The following CCR7 variants were observed in gnomAD, a reference collection of about 807,000 sequenced individuals.
CCR7 encodes C-C motif chemokine receptor 7, also known as C-C chemokine receptor type 7.
CCR7 carries 11 observed loss-of-function variants against 26.0 expected under a neutral mutation model. The observed-to-expected ratio is 0.42, with a 90% CI of 0.27 to 0.70. The LOEUF is 0.70. Among genes scored for constraint, CCR7 ranks in the 30% least tolerant of loss-of-function variants. The probability of loss-of-function intolerance (pLI) is 0.23; values close to 1 mark genes in which losing one functional copy is unlikely to be tolerated. For synonymous variants in CCR7, 189 were observed against 202.1 expected, an observed-to-expected ratio of 0.94 and a Z score of 0.55; for missense variants, 360 against 504.0, an observed-to-expected ratio of 0.71 and a Z score of 2.74.
At chr17:40,559,998 G>A (rs1341005379) in intron 1 of CCR7, among the ~76,000 whole-genome samples, 3 of 152,056 alleles carry the variant, frequency 2.0e-5, no homozygotes, top group South Asian at 2.1e-4. Context: ...CAGGTGAAAG[G>A]GGGAACAGGG....
intron 1 of CCR7, among the ~76,000 whole-genome samples, chr17:40,563,692 C>T (rs980660610): frequency 2.0e-5 from 3 of 152,058 alleles, no homozygotes; most frequent in African/African-American, 7.3e-5. Context: ...CGGGTTTGAC[C>T]GTTGGGGCTC....
chr17:40,555,873 C>G lies in CCR7; in HGVS notation c.61-55G>C, dbSNP rs2036582174. The G allele has an allele frequency of 1.6e-6, 2 of 1,251,148 alleles. No individual in the cohort carries two copies. The highest frequency in any genetic ancestry group is 3.7e-5 in the Admixed American group (2 of 53,428). 77.5% of individuals were successfully genotyped at this position (1,251,148 alleles called of 1,614,324 possible). A position where few individuals can be genotyped will look rare whatever the true frequency, so the allele number is the denominator to read the frequency against. ...CCAGTTTAGCTGGGTGGCTCCAACTCTGGCTGGGATTTAGCCTAGAGCAGT... is the reference window on the plus strand; with the variant it reads ...CCAGTTTAGCTGGGTGGCTCCAACTGTGGCTGGGATTTAGCCTAGAGCAGT... On this transcript the variant is annotated intron_variant, in intron 2 of 2. Transcript: ENST00000246657. The surrounding 1 kb of genome is among the most constrained non-coding windows in gnomAD (Gnocchi z 5.6).
chr17:40,565,348 G>A, intron 1 of CCR7, 52 bp downstream of exon 1: 10 of 1,514,574 alleles, frequency 6.6e-6, no homozygotes, highest in Non-Finnish European at 9.2e-6. Flanking sequence ...GGGTCAGTCT[G>A]GGTGTCCAAG....
rs2036630401 is a variant in CCR7, at chr17:40,559,482, G to C, written c.11-540C>G. 5.3e-5 allele frequency among the ~76,000 whole-genome samples: 8 copies of C among 152,362 alleles called. 1 individual carries two copies. In the South Asian group the frequency reaches 1.7e-3, roughly 32 times the overall value. On this transcript the variant is annotated intron_variant, in intron 1 of 2. Transcript: ENST00000246657. ...GAAGCCAAGCCTGAGTGTCTCCTGA[G>C]GGAGGTGGGCTGAGGAAGGAGGATG... is the stretch of plus-strand genomic sequence containing the variant.
chr17:40,560,035 G>C (rs1281563097), intron 1 of CCR7, among the ~76,000 whole-genome samples: 1 of 152,198 alleles, frequency 6.6e-6, no homozygotes, highest in Non-Finnish European at 1.5e-5. Flanking sequence ...ACGTGTTCTG[G>C]AAGTCAGGAG....
At chr17:40,565,016 T>G (rs893724986) in intron 1 of CCR7, among the ~76,000 whole-genome samples, 3 of 152,098 alleles carry the variant, frequency 2.0e-5, no homozygotes, top group African/African-American at 7.2e-5. Context: ...AGAATTTCTC[T>G]GTTGAAACCT....
chr17:40,555,898 T>C lies in CCR7; in HGVS notation c.61-80A>G. The C allele has an allele frequency of 3.1e-6, 3 of 957,562 alleles. No individual in the cohort carries two copies. Among genetic ancestry groups the C allele is most frequent in the Non-Finnish European group, 4.8e-6 (3 of 628,552 alleles). 59.3% of individuals were successfully genotyped at this position (957,562 alleles called of 1,614,324 possible). A position where few individuals can be genotyped will look rare whatever the true frequency, so the allele number is the denominator to read the frequency against. ...CTGGCTGGGATTTAGCCTAGAGCAG[T>C]GGTTTCTTTCTTTTTTTTTTTTCTT... On this transcript the variant is annotated intron_variant, in intron 2 of 2. Coordinates refer to ENST00000246657, the MANE Select transcript of CCR7 (RefSeq NM_001838.4). This position sits in a 1 kb window ranked among gnomAD's most constrained non-coding sequence, Gnocchi z 5.6.
At chr17:40,565,083 G>T (rs2036694859) in intron 1 of CCR7, among the ~76,000 whole-genome samples, 1 of 151,760 alleles carries the variant, frequency 6.6e-6, no homozygotes, top group Non-Finnish European at 1.5e-5. Flanking sequence ...AACAGGTTCT[G>T]CCAGACCACC....
chr17:40,564,825 G>A (rs2036692273), intron 1 of CCR7, among the ~76,000 whole-genome samples: 2 of 152,208 alleles, frequency 1.3e-5, no homozygotes, highest in Non-Finnish European at 2.9e-5. Flanking sequence ...AAAGCAGGTG[G>A]GATGTGCAGC....
Position 40,555,637 on chromosome 17 carries a change from A to G in CCR7, c.242T>C (p.Leu81Ser), listed in dbSNP as rs569744185. The G allele has an allele frequency of 6.2e-7, 1 of 1,614,146 alleles. No individual in the cohort carries two copies. The highest frequency in any genetic ancestry group is 2.2e-5 in the East Asian group (1 of 44,876). The change falls in exon 3 of 3, where the codon TTG becomes TCG. Residue 81 changes from leucine (L) to serine (S), a missense_variant. Transcript: ENST00000246657. This position sits in a 1 kb window ranked among gnomAD's most constrained non-coding sequence, Gnocchi z 5.6. ...GAGCCTCTTGAAATAGATATAGGTCAACACGACCAGCCCATTGCCCAGTAG... is the reference window on the plus strand; with the variant it reads ...GAGCCTCTTGAAATAGATATAGGTCGACACGACCAGCCCATTGCCCAGTAG... The part of the protein sequence containing the change: ...VGLLGNGLVV[L>S]TYIYFKRLKT...
intron 1 of CCR7, among the ~76,000 whole-genome samples, chr17:40,562,785 G>A (rs565164204): frequency 9.2e-4 from 140 of 151,938 alleles, no homozygotes; most frequent in African/African-American, 3.3e-3. Flanking sequence ...TGTTGTCTCA[G>A]CTGACCATCT....
chr17:40,558,735 G>A (rs1214080635), intron 2 of CCR7, among the ~76,000 whole-genome samples, 158 bp downstream of exon 2: 2 of 152,144 alleles, frequency 1.3e-5, no homozygotes, highest in Non-Finnish European at 2.9e-5. Flanking sequence ...GGGTCACTCA[G>A]CAGATGGTGA....
At chr17:40,558,861 G>T in intron 2 of CCR7, 32 bp downstream of exon 2, 1 of 1,604,454 alleles carries the variant, frequency 6.2e-7, no homozygotes, top group South Asian at 1.1e-5. Flanking sequence ...TGTGGAGAAG[G>T]GAACAGAGCT....
At position 40,563,495 on chromosome 17, in the gene CCR7, G is replaced by T. The variant is rs187918147; in HGVS notation, c.10+1905C>A. Among the ~76,000 whole-genome samples the T allele has an allele frequency of 2.4e-4, 36 of 152,214 alleles. No individual in the cohort carries two copies. In the East Asian group the frequency reaches 6.4e-3, roughly 27 times the overall value. On this transcript the variant is annotated intron_variant, in intron 1 of 2. Coordinates refer to ENST00000246657, the MANE Select transcript of CCR7 (RefSeq NM_001838.4). ...CTCATTCAAACCGTGAAAAAGGCCAGCTCAGCCCTGCTTGGGAGTTTTCAT... is the reference window on the plus strand; with the variant it reads ...CTCATTCAAACCGTGAAAAAGGCCATCTCAGCCCTGCTTGGGAGTTTTCAT...
chr17:40,557,975 G>A (rs1033341944), intron 2 of CCR7, among the ~76,000 whole-genome samples: 14 of 152,192 alleles, frequency 9.2e-5, no homozygotes, highest in African/African-American at 3.4e-4. Context: ...TGGGGAAGGG[G>A]GCCAGGCTAT....
chr17:40,557,063 C>T (rs929909596), intron 2 of CCR7, among the ~76,000 whole-genome samples: 63 of 152,344 alleles, frequency 4.1e-4, no homozygotes, highest in African/African-American at 1.4e-3. Flanking sequence ...TCTCATCTCC[C>T]ACTCTCCCTC....
rs145768651 is a variant in CCR7, at chr17:40,560,179, T to C, written c.11-1237A>G. On this transcript the variant is annotated intron_variant, in intron 1 of 2. Transcript: ENST00000246657. ...TCCTGAGGCTGAGCAGGGAGGACAGTTGACAGAGTAATTTGCCTAGATGTT... is the reference window on the plus strand; with the variant it reads ...TCCTGAGGCTGAGCAGGGAGGACAGCTGACAGAGTAATTTGCCTAGATGTT... Among the ~76,000 whole-genome samples, 263 of 152,264 alleles carry C rather than the reference T, an allele frequency of 1.7e-3. 1 individual carries two copies. The highest frequency in any genetic ancestry group is 6.1e-3 in the African/African-American group (252 of 41,540).
In CCR7 at chr17:40,558,890, C is replaced by T. The variant is rs746907260; in HGVS notation, c.60+3G>A. The T allele has an allele frequency of 6.2e-7, 1 of 1,613,552 alleles. No individual in the cohort carries two copies. Among genetic ancestry groups the T allele is most frequent in the African/African-American group, 1.3e-5 (1 of 75,014 alleles). On this transcript the variant is annotated splice_donor_region_variant and intron_variant, in intron 2 of 2. Transcript: ENST00000246657. ...CAGAGCTTTCCTTGGCAGAGAACCT[C>T]ACCTGGAAAATGACAAGGAGAGCCA... is the stretch of plus-strand genomic sequence containing the variant.
intron 1 of CCR7, 71 bp from the exon 2 acceptor site, chr17:40,559,013 G>C (rs908516002): frequency 3.1e-6 from 4 of 1,293,382 alleles, no homozygotes; most frequent in Non-Finnish European, 4.4e-6. Flanking sequence ...AAGCAGTGGA[G>C]GGGGAGACGC....
Sources: allele counts gnomAD v4.1 joint callset (sites outside exome capture counted in the v4.1 genomes callset), GRCh38; gene constraint gnomAD v4.1.1; non-coding constraint Gnocchi (gnomAD v3.1); transcripts MANE v1.5; gene names NCBI Gene and HGNC (gene_info 2026-07-23, HGNC 2026-07-21).